RALA: variants seen among roughly 807,000 people sequenced by gnomAD.
The protein encoded by RALA is RAS like proto-oncogene A.
In RALA, 5 loss-of-function variants were observed where a neutral mutation model predicts 24.0. The observed-to-expected ratio is 0.21, with a 90% CI of 0.11 to 0.44. The LOEUF (loss-of-function observed/expected upper bound fraction) is 0.44, where lower values mean the gene tolerates loss of function less well. Ranked by LOEUF, RALA falls within the 20% of genes least tolerant of loss-of-function variation. The pLI, the probability that RALA is intolerant of heterozygous loss-of-function variation, is 0.99. For missense variants in RALA, 95 were observed against 241.2 expected (o/e 0.39, Z 4.01); for synonymous variants, 77 against 83.8 (o/e 0.92, Z 0.44).
intron 1 of RALA, among the ~76,000 whole-genome samples, chr7:39,638,774 G>A (rs1002243616): frequency 3.3e-5 from 5 of 152,320 alleles, no homozygotes; most frequent in African/African-American, 9.6e-5. Context: ...ATCAGTTGGT[G>A]GACATTTGGA....
chr7:39,692,622 A>G (rs894907994), intron 3 of RALA, among the ~76,000 whole-genome samples: 14 of 152,206 alleles, frequency 9.2e-5, no homozygotes, highest in African/African-American at 3.1e-4. Context: ...CTCTAAAAAA[A>G]TAACATCTTC....
intron 2 of RALA, among the ~76,000 whole-genome samples, chr7:39,688,445 G>T (rs1792748848): frequency 6.6e-6 from 1 of 151,688 alleles, no homozygotes; most frequent in Non-Finnish European, 1.5e-5. Flanking sequence ...TACTTTAAAT[G>T]AAATTACTGA....
chr7:39,687,095 T>C (rs766596417), intron 2 of RALA, among the ~76,000 whole-genome samples: 4 of 152,142 alleles, frequency 2.6e-5, no homozygotes, highest in Non-Finnish European at 5.9e-5. Context: ...AAGTGGTGTG[T>C]ATAATACTTA....
intron 1 of RALA, among the ~76,000 whole-genome samples, chr7:39,674,819 CT>C (rs11452061): frequency 0.021 from 2,076 of 96,630 alleles, 13 homozygotes; most frequent in African/African-American, 0.073. Flanking sequence ...TAATTTTATG[CT>C]TTTTTTTTTT....
intron 4 of RALA, among the ~76,000 whole-genome samples, chr7:39,697,789 T>G (rs1002777806): frequency 6.6e-6 from 1 of 152,146 alleles, no homozygotes; most frequent in African/African-American, 2.4e-5. Flanking sequence ...TTTGTTCTGT[T>G]ATTTTGCTGT....
intron 3 of RALA, 67 bp from the exon 4 acceptor site, chr7:39,696,618 G>C: frequency 7.6e-7 from 1 of 1,315,096 alleles, no homozygotes; most frequent in Non-Finnish European, 1.0e-6. Context: ...ATAGGTATGG[G>C]GCAAACAAGA....
intron 1 of RALA, among the ~76,000 whole-genome samples, chr7:39,635,789 A>T (rs535644543): frequency 2.0e-5 from 3 of 152,320 alleles, no homozygotes; most frequent in Admixed American, 6.5e-5. Flanking sequence ...ATCTGACAGG[A>T]GGTGGAGCTC....
At chr7:39,643,183 TCAAA>T (rs1791850759) in intron 1 of RALA, among the ~76,000 whole-genome samples, 1 of 152,172 alleles carries the variant, frequency 6.6e-6, no homozygotes, top group Non-Finnish European at 1.5e-5. Flanking sequence ...GAAGTAAAGT[TCAAA>T]CAAAGAACAC....
At chr7:39,668,745 C>T (rs1025382502) in intron 1 of RALA, among the ~76,000 whole-genome samples, 35 of 145,742 alleles carry the variant, frequency 2.4e-4, no homozygotes, top group African/African-American at 8.2e-4. Flanking sequence ...TGTGGTGAGC[C>T]GAGATCGCAC....
intron 4 of RALA, among the ~76,000 whole-genome samples, chr7:39,704,668 GTTTTATTTTTTAT>G (rs1405722368): frequency 1.3e-5 from 2 of 151,670 alleles, no homozygotes; most frequent in African/African-American, 2.4e-5. Context: ...TTGCTATTTT[GTTTTATTTTTTAT>G]TTTTATTTTT....
chr7:39,702,818 A>G (rs985128392), intron 4 of RALA, among the ~76,000 whole-genome samples: 10 of 152,250 alleles, frequency 6.6e-5, no homozygotes, highest in Non-Finnish European at 1.5e-4. Context: ...TTGATCTCAT[A>G]GAAGTAAAAA....
intron 1 of RALA, among the ~76,000 whole-genome samples, chr7:39,678,888 A>C (rs7792940): frequency 0.31 from 47,529 of 152,016 alleles, 8,225 homozygotes; most frequent in Non-Finnish European, 0.4. Context: ...ACAAAAATCA[A>C]ATGTACAAAA....
chr7:39,631,646 TC>T (rs1476060607), intron 1 of RALA, among the ~76,000 whole-genome samples: 16 of 152,384 alleles, frequency 1.0e-4, no homozygotes, highest in Admixed American at 3.3e-4. Flanking sequence ...ATACAAGTTT[TC>T]AACATTTCTT....
At chr7:39,664,312 A>C (rs942004445) in intron 1 of RALA, among the ~76,000 whole-genome samples, 3 of 152,228 alleles carry the variant, frequency 2.0e-5, no homozygotes, top group Non-Finnish European at 4.4e-5. Flanking sequence ...GTTGTACAAC[A>C]AGAAGGCATG....
intron 1 of RALA, among the ~76,000 whole-genome samples, chr7:39,662,718 A>G (rs992759874): frequency 1.3e-5 from 2 of 152,208 alleles, no homozygotes; most frequent in Admixed American, 6.5e-5. Flanking sequence ...AGGAAGTTCC[A>G]GACTTTCCCA....
chr7:39,685,806 C>T (rs1218831538), intron 1 of RALA, among the ~76,000 whole-genome samples: 1 of 152,096 alleles, frequency 6.6e-6, no homozygotes. Flanking sequence ...ATGTCTTCTT[C>T]TATAAAATAG....
intron 1 of RALA, among the ~76,000 whole-genome samples, chr7:39,643,781 T>C (rs1480233384): frequency 6.6e-6 from 1 of 152,112 alleles, no homozygotes; most frequent in Non-Finnish European, 1.5e-5. Context: ...GGCTTGAACC[T>C]GGAAGGCAGA....
chr7:39,661,681 T>G (rs542908425), intron 1 of RALA, among the ~76,000 whole-genome samples: 52 of 152,368 alleles, frequency 3.4e-4, no homozygotes, highest in African/African-American at 1.3e-3. Context: ...ACAGCCTCCC[T>G]TCTGGCTGCT....
intron 1 of RALA, among the ~76,000 whole-genome samples, chr7:39,640,411 T>C (rs945877623): frequency 6.6e-6 from 1 of 152,258 alleles, no homozygotes; most frequent in Non-Finnish European, 1.5e-5. Flanking sequence ...TTTCATGTGC[T>C]TCTTAGCCAT....
Sources: allele counts gnomAD v4.1 joint callset (sites outside exome capture counted in the v4.1 genomes callset), GRCh38; gene constraint gnomAD v4.1.1; transcripts MANE v1.5; gene names NCBI Gene and HGNC (gene_info 2026-07-23, HGNC 2026-07-21).